SRGAP1: variants seen among roughly 807,000 people sequenced by gnomAD.
SRGAP1 encodes the protein SLIT-ROBO Rho GTPase activating protein 1, also known as SLIT-ROBO Rho GTPase-activating protein 1.
Under a neutral mutation model 121.9 loss-of-function variants are expected in SRGAP1, and 43 were observed. The ratio of observed to expected loss-of-function variants is 0.35; its 90% CI spans 0.28 to 0.46. The LOEUF is 0.46. Among genes scored for constraint, SRGAP1 ranks in the 20% least tolerant of loss-of-function variants. SRGAP1 has a pLI of 1.00. For synonymous variants in SRGAP1, 447 were observed against 485.4 expected, an observed-to-expected ratio of 0.92 and a Z score of 1.04; for missense variants, 1,102 against 1,350.9, an observed-to-expected ratio of 0.82 and a Z score of 2.89.
At chr12:64,042,577 A>G (rs1033785899) in intron 4 of SRGAP1, among the ~76,000 whole-genome samples, 5 of 152,174 alleles carry the variant, frequency 3.3e-5, no homozygotes, top group Non-Finnish European at 7.3e-5. Context: ...CCTGTCCTCT[A>G]GGTGCTTTTT....
intron 6 of SRGAP1, 76 bp from the exon 7 acceptor site, chr12:64,062,841 A>G: frequency 9.2e-7 from 1 of 1,084,806 alleles, no homozygotes; most frequent in Non-Finnish European, 1.3e-6. Context: ...AGAGTTTTAT[A>G]GCTGTAGGTC....
At chr12:64,118,005 G>A (rs1350865198) in intron 18 of SRGAP1, among the ~76,000 whole-genome samples, 1 of 152,122 alleles carries the variant, frequency 6.6e-6, no homozygotes, top group African/African-American at 2.4e-5. Flanking sequence ...ATCTGTCCGT[G>A]GACATTTAGG....
At chr12:63,868,715 A>G (rs67830727) in intron 1 of SRGAP1, among the ~76,000 whole-genome samples, 43,795 of 151,910 alleles carry the variant, frequency 0.29, 7,199 homozygotes, top group East Asian at 0.55. Flanking sequence ...AGGGGGAGAG[A>G]TAATATTTTT....
chr12:64,101,305 A>AGG (rs1292837445), intron 15 of SRGAP1, among the ~76,000 whole-genome samples: 12 of 104,942 alleles, frequency 1.1e-4, no homozygotes, highest in African/African-American at 1.8e-4. Flanking sequence ...GTTTGGGGAA[A>AGG]GGGGTGTGTG....
At chr12:64,031,267 G>A (rs775740705) in intron 4 of SRGAP1, among the ~76,000 whole-genome samples, 94 of 141,142 alleles carry the variant, frequency 6.7e-4, no homozygotes, top group Non-Finnish European at 4.4e-4. Context: ...GCAGTGAGCC[G>A]AGATCACACC....
intron 3 of SRGAP1, among the ~76,000 whole-genome samples, chr12:64,004,340 A>G (rs572052246): frequency 2.6e-5 from 4 of 152,208 alleles, no homozygotes; most frequent in Non-Finnish European, 5.9e-5. Context: ...TGAGCACTTA[A>G]TAAAGTTCAT....
At chr12:63,955,971 G>A (rs1477104426) in intron 1 of SRGAP1, among the ~76,000 whole-genome samples, 2 of 152,124 alleles carry the variant, frequency 1.3e-5, no homozygotes, top group Admixed American at 6.5e-5. Flanking sequence ...AAGTGAACAC[G>A]TGCTTCAGTT....
chr12:63,993,272 A>G (rs1429922706), intron 3 of SRGAP1, among the ~76,000 whole-genome samples: 3 of 152,148 alleles, frequency 2.0e-5, no homozygotes, highest in Admixed American at 6.5e-5. Flanking sequence ...GAACTTGGCA[A>G]TTACCTTGAC....
chr12:64,071,537 C>A (rs2035635371), intron 8 of SRGAP1, among the ~76,000 whole-genome samples: 1 of 152,184 alleles, frequency 6.6e-6, no homozygotes, highest in African/African-American at 2.4e-5. Context: ...AACCTCTAAA[C>A]AGTGAGGCAT....
intron 5 of SRGAP1, 142 bp from the exon 6 acceptor site, chr12:64,043,305 G>A: frequency 1.2e-6 from 1 of 804,246 alleles, no homozygotes; most frequent in South Asian, 2.1e-5. Context: ...GATTCAAAAT[G>A]TACTTTTGGC....
chr12:64,101,928 C>G (rs983708882), intron 15 of SRGAP1, among the ~76,000 whole-genome samples: 3 of 152,190 alleles, frequency 2.0e-5, no homozygotes, highest in African/African-American at 7.2e-5. Context: ...ACAAAACCAA[C>G]ATGTAGTTAT....
chr12:64,028,788 C>T (rs548613626), intron 4 of SRGAP1, among the ~76,000 whole-genome samples: 2 of 152,180 alleles, frequency 1.3e-5, no homozygotes, highest in African/African-American at 4.8e-5. Flanking sequence ...CCTGTCATCA[C>T]CTTGGGAAGT....
chr12:63,973,287 C>G (rs781500428), intron 1 of SRGAP1, among the ~76,000 whole-genome samples: 23 of 152,220 alleles, frequency 1.5e-4, no homozygotes, highest in Non-Finnish European at 2.2e-4. Flanking sequence ...TCTAGAAGCA[C>G]AGGCCTGGGT....
At chr12:63,871,612 G>A (rs1592901246) in intron 1 of SRGAP1, 1 of 528,234 alleles carries the variant, frequency 1.9e-6, no homozygotes, top group Non-Finnish European at 3.3e-6. Flanking sequence ...GCAAGTTAGT[G>A]TGAGGTTGGG....
At chr12:64,048,622 G>A (rs1413734770) in intron 6 of SRGAP1, among the ~76,000 whole-genome samples, 2 of 152,106 alleles carry the variant, frequency 1.3e-5, no homozygotes, top group Non-Finnish European at 2.9e-5. Flanking sequence ...CCCACCAACA[G>A]TGTACACAAG....
chr12:64,095,090 TG>T, intron 13 of SRGAP1, 36 bp from the exon 14 acceptor site: 12 of 1,609,910 alleles, frequency 7.5e-6, no homozygotes, highest in Non-Finnish European at 1.0e-5. Context: ...GACAATGTGA[TG>T]GGGGTTTTAT....
intron 1 of SRGAP1, among the ~76,000 whole-genome samples, chr12:63,955,747 T>G (rs1472394926): frequency 6.6e-6 from 1 of 152,152 alleles, no homozygotes; most frequent in Non-Finnish European, 1.5e-5. Context: ...GGCCTTAAAC[T>G]GAGTTATATT....
intron 3 of SRGAP1, among the ~76,000 whole-genome samples, chr12:64,012,450 G>T (rs1018520839): frequency 7.3e-5 from 11 of 150,208 alleles, no homozygotes; most frequent in African/African-American, 2.2e-4. Flanking sequence ...AAGAAACATT[G>T]ATTGCTTTTC....
chr12:64,138,779 A>C (rs1258865914), intron 21 of SRGAP1, among the ~76,000 whole-genome samples: 2 of 152,130 alleles, frequency 1.3e-5, no homozygotes, highest in Admixed American at 1.3e-4. Context: ...TGATGCTTTC[A>C]CCTACATGGT....
Sources: allele counts gnomAD v4.1 joint callset (sites outside exome capture counted in the v4.1 genomes callset), GRCh38; gene constraint gnomAD v4.1.1; transcripts MANE v1.5; gene names NCBI Gene and HGNC (gene_info 2026-07-23, HGNC 2026-07-21).